The following SNAPC4 variants were observed in gnomAD, a reference collection of about 807,000 sequenced individuals.
SNAPC4 encodes the protein snRNA-activating protein complex subunit 4.
A neutral mutation model predicts 151.3 loss-of-function variants in SNAPC4; 127 were observed. The observed-to-expected ratio is 0.84, with a 90% CI of 0.73 to 0.97. The LOEUF (loss-of-function observed/expected upper bound fraction) is 0.97. Ranked by LOEUF, SNAPC4 falls within the 50% of genes least tolerant of loss-of-function variation. The probability of loss-of-function intolerance (pLI) is 0.00; values close to 1 mark genes in which losing one functional copy is unlikely to be tolerated. For missense variants in SNAPC4, 2,186 were observed against 1,935.0 expected, an observed-to-expected ratio of 1.13 and a Z score of -2.43; for synonymous variants, 1,002 against 824.4, an observed-to-expected ratio of 1.22 and a Z score of -3.69.
intron 9 of SNAPC4, 68 bp from the exon 10 acceptor site, chr9:136,392,174 G>T: frequency 1.3e-6 from 2 of 1,582,054 alleles, no homozygotes; most frequent in Non-Finnish European, 8.6e-7. Context: ...GCAGCTCCAG[G>T]CTGAGCTGTT....
rs748577608 is a variant in SNAPC4 at position 136,379,244 on chromosome 9, T to C, written c.2583A>G (p.Lys861=). The change falls in exon 22 of 24, where the codon AAA becomes AAG. Residue 861 remains lysine (K), a synonymous_variant. Coordinates refer to ENST00000684778, the MANE Select transcript of SNAPC4 (RefSeq NM_003086.4). ...GGCTGGACGCCAGTCTTCGGCTCCC[T>C]TTGTGGCTGGCACTCTTTGAGGCTT... ...AQEASKSASH[K]GSRRLASSRV... is the part of the protein sequence containing the mutation. The C allele has an allele frequency of 1.9e-6, 3 of 1,612,672 alleles. No homozygotes were observed. The East Asian group carries it at 6.7e-5, about 36-fold the overall frequency.
At chr9:136,384,582 G>T in intron 14 of SNAPC4, 138 bp downstream of exon 14, 1 of 521,042 alleles carries the variant, frequency 1.9e-6, no homozygotes, top group South Asian at 2.9e-5. Flanking sequence ...CCAAAAGTTT[G>T]AGGCTGCAGT....
chr9:136,376,030 AGAC>A (rs1833431913), intron 23 of SNAPC4, among the ~76,000 whole-genome samples: 1 of 152,194 alleles, frequency 6.6e-6, no homozygotes, highest in African/African-American at 2.4e-5. Context: ...ACAAGCTGGG[AGAC>A]GACGCAGCAA....
In SNAPC4 at chr9:136,387,847, A is replaced by G; in HGVS notation, c.1125T>C (p.Ile375=). The change falls in exon 12 of 24, where the codon ATT becomes ATC. Residue 375 remains isoleucine (I), a splice_region_variant and synonymous_variant. Coordinates refer to ENST00000684778, the MANE Select transcript of SNAPC4 (RefSeq NM_003086.4). ...AGTCTCTCCCTTCCATATAGTAGACAACTAGGGACAGAGGAACAGGGAGGT... is the reference window on the plus strand; with the variant it reads ...AGTCTCTCCCTTCCATATAGTAGACGACTAGGGACAGAGGAACAGGGAGGT... ...RVGSHIPYRR[I]VYYMEGRDSM... is the part of the protein sequence containing the mutation. 1 of 1,555,746 alleles carries G rather than the reference A, an allele frequency of 6.4e-7. No homozygotes were observed. The highest frequency in any genetic ancestry group is 8.9e-7 in the Non-Finnish European group (1 of 1,126,854).
At chr9:136,399,216 C>T (rs747596822) in intron 1 of SNAPC4, among the ~76,000 whole-genome samples, 26 of 152,248 alleles carry the variant, frequency 1.7e-4, no homozygotes, top group Non-Finnish European at 2.8e-4. Flanking sequence ...CGCCCTCCCC[C>T]GTCCTTGGCG....
chr9:136,393,151 T>G (rs1443345472), intron 7 of SNAPC4, among the ~76,000 whole-genome samples: 1 of 151,994 alleles, frequency 6.6e-6, no homozygotes, highest in Non-Finnish European at 1.5e-5. Flanking sequence ...GAGGCCACAG[T>G]AAAGAACCAC....
intron 10 of SNAPC4, among the ~76,000 whole-genome samples, chr9:136,391,006 G>C (rs188591907): frequency 6.6e-6 from 1 of 152,046 alleles, no homozygotes; most frequent in African/African-American, 2.4e-5. Context: ...GGCTAATTTT[G>C]TATTTTTAGT....
In SNAPC4 at chr9:136,378,233, T is replaced by C. The variant is rs1196081301; in HGVS notation, c.3594A>G (p.Ala1198=). The C allele has an allele frequency of 6.2e-7, 1 of 1,611,296 alleles. No individual in the cohort carries two copies. Among genetic ancestry groups the C allele is most frequent in the Non-Finnish European group, 8.5e-7 (1 of 1,179,448 alleles). The part of the protein sequence containing the change: ...RTSSHADPPE[A]EPPWSGRLPA... ...GCAGCCTCCCGGACCAAGGGGGTTC[T>C]GCTTCAGGAGGGTCAGCGTGGGAGG... Residue 1198 remains alanine (A), a synonymous_variant, in exon 22 of 24, where the codon GCA becomes GCG. Transcript: ENST00000684778.
chr9:136,394,726 G>T, intron 6 of SNAPC4, 74 bp downstream of exon 6: 1 of 1,355,396 alleles, frequency 7.4e-7, no homozygotes, highest in Non-Finnish European at 1.0e-6. Context: ...AACTTGGGGA[G>T]AAACTGGGGA....
chr9:136,377,227 G>A (rs747090838), intron 22 of SNAPC4, among the ~76,000 whole-genome samples: 3 of 152,190 alleles, frequency 2.0e-5, no homozygotes, highest in Non-Finnish European at 4.4e-5. Context: ...GCTCAGAGCC[G>A]GGTCAGCGTC....
intron 13 of SNAPC4, 77 bp downstream of exon 13, chr9:136,387,408 G>C (rs571319051): frequency 3.7e-5 from 37 of 1,009,726 alleles, no homozygotes; most frequent in Non-Finnish European, 5.0e-5. Context: ...CCCCCAGCCC[G>C]CCCACAGCCC....
At chr9:136,392,240 C>T in intron 9 of SNAPC4, 134 bp from the exon 10 acceptor site, 1 of 1,126,024 alleles carries the variant, frequency 8.9e-7, no homozygotes, top group South Asian at 1.3e-5. Flanking sequence ...CTTCGTCCAA[C>T]TCACTAGGCC....
rs780029297 is a variant in SNAPC4 at position 136,383,138 on chromosome 9, G to A, written c.1983+48C>T. On this transcript the variant is annotated intron_variant, in intron 16 of 23. Coordinates refer to ENST00000684778, the MANE Select transcript of SNAPC4 (RefSeq NM_003086.4). The surrounding 1 kb of genome is among the most constrained non-coding windows in gnomAD (Gnocchi z 4.2). Reference sequence around the variant, plus strand: ...TCCCCAAGCGTCAGCCCTGGCGAGCGAGTGCCGAAAGTGCACTTCCCGTGG... The same window carrying A: ...TCCCCAAGCGTCAGCCCTGGCGAGCAAGTGCCGAAAGTGCACTTCCCGTGG... The A allele has an allele frequency of 6.0e-6, 9 of 1,506,898 alleles. No individual in the cohort carries two copies. Among genetic ancestry groups the A allele is most frequent in the South Asian group, 2.7e-5 (2 of 74,670 alleles). The allele number at this position is 1,506,898 out of a possible 1,614,324, so 93.3% of individuals were successfully genotyped here.
intron 2 of SNAPC4, among the ~76,000 whole-genome samples, chr9:136,397,726 A>G (rs1352005996): frequency 1.6e-3 from 60 of 36,694 alleles, no homozygotes; most frequent in African/African-American, 3.7e-3. Context: ...CGTGGGGAGG[A>G]GAGCACTTGG....
rs1245611015 is a variant in SNAPC4, at chr9:136,395,790, G to A, written c.178-20C>T. ...TTCTTCCTGGTAACGAGCCAGAAAT[G>A]GCATGTGACGAGATGAGACGTGGAT... On this transcript the variant is annotated intron_variant, in intron 3 of 23. Coordinates refer to ENST00000684778, the MANE Select transcript of SNAPC4 (RefSeq NM_003086.4). 1.2e-6 allele frequency: 2 copies of A among 1,605,490 alleles called. No individual in the cohort carries two copies. Among genetic ancestry groups the A allele is most frequent in the Non-Finnish European group, 8.5e-7 (1 of 1,174,166 alleles).
At chr9:136,393,924 G>A (rs11145861) in intron 7 of SNAPC4, among the ~76,000 whole-genome samples, 16,887 of 152,300 alleles carry the variant, frequency 0.11, 1,105 homozygotes, top group Admixed American at 0.18. Context: ...AAAGGCTGTT[G>A]TGTTTGTTTT....
At chr9:136,388,136 G>A (rs61419809) in intron 11 of SNAPC4, among the ~76,000 whole-genome samples, 276 of 152,186 alleles carry the variant, frequency 1.8e-3, no homozygotes, top group African/African-American at 5.3e-3. Context: ...GCGTGGTGGC[G>A]CATGCCTGTA....
intron 10 of SNAPC4, among the ~76,000 whole-genome samples, chr9:136,390,495 C>T (rs946407922): frequency 8.4e-6 from 1 of 119,756 alleles, no homozygotes; most frequent in Non-Finnish European, 1.6e-5. Context: ...GCGGAGCTTG[C>T]GGTGAGCTGA....
At position 136,378,473 on chromosome 9, in the gene SNAPC4, C is replaced by A; in HGVS notation, c.3354G>T (p.Glu1118Asp). ...LLATLLPPLT[E>D]TRAAQGPRAP... ...CCCTGGGGCCCTGGGCCGCCCGAGT[C>A]TCAGTCAGGGGAGGCAGCAGAGTGG... Residue 1118 changes from glutamate to aspartate, a missense_variant, in exon 22 of 24, where the codon GAG becomes GAT. Coordinates refer to ENST00000684778, the MANE Select transcript of SNAPC4 (RefSeq NM_003086.4). 6.3e-7 allele frequency: 1 copy of A among 1,589,970 alleles called. No individual in the cohort carries two copies. Among genetic ancestry groups the A allele is most frequent in the South Asian group, 1.1e-5 (1 of 89,810 alleles).
Sources: gnomAD v4.1 joint callset for allele counts (sites outside exome capture counted in the v4.1 genomes callset) on GRCh38, gnomAD v4.1.1 for gene constraint, Gnocchi (gnomAD v3.1) non-coding constraint, MANE v1.5 for transcripts, NCBI Gene and HGNC (gene_info 2026-07-23, HGNC 2026-07-21) for gene names.